CYTH4: variants seen among roughly 807,000 people sequenced by gnomAD.
CYTH4 encodes the protein cytohesin 4.
Under a neutral mutation model 57.5 loss-of-function variants are expected in CYTH4, and 22 were observed. That is an observed-to-expected ratio of 0.38 (90% CI 0.27 to 0.55). The LOEUF (loss-of-function observed/expected upper bound fraction) is 0.55, where lower values mean the gene tolerates loss of function less well. Ranked by LOEUF, CYTH4 falls within the 20% of genes least tolerant of loss-of-function variation. The pLI is 0.74. For synonymous variants in CYTH4, 186 were observed against 206.5 expected (o/e 0.90, Z 0.85); for missense variants, 420 against 535.6 (o/e 0.78, Z 2.13).
At chr22:37,303,179 G>A (rs1003858231) in intron 7 of CYTH4, 75 bp from the exon 8 acceptor site, 3 of 1,582,288 alleles carry the variant, frequency 1.9e-6, no homozygotes, top group Admixed American at 3.9e-5. Flanking sequence ...TGGCAGTTCT[G>A]GGCCCTGGAA....
intron 8 of CYTH4, among the ~76,000 whole-genome samples, chr22:37,308,799 CATGTGTGTGCATGT>C (rs1929519088): frequency 6.6e-6 from 1 of 150,630 alleles, no homozygotes; most frequent in Non-Finnish European, 1.5e-5. Context: ...TGTGAACATG[CATGTGTGTGCATGT>C]ATGTGTGAGC....
chr22:37,292,616 T>C lies in CYTH4; in HGVS notation c.20-5T>C, dbSNP rs1172336863. 6.2e-7 allele frequency: 1 copy of C among 1,613,590 alleles called. No individual in the cohort carries two copies. Among genetic ancestry groups the C allele is most frequent in the South Asian group, 1.1e-5 (1 of 91,074 alleles). ...TGATGGGGAAGGCCGGTTGTCTCTC[T>C]GTAGAGCCCGCGGAGCTGAGCAGCG... On this transcript the variant is annotated splice_region_variant and splice_polypyrimidine_tract_variant and intron_variant, in intron 1 of 12. Transcript: ENST00000248901.
rs1405935724 is a variant in CYTH4, at chr22:37,298,611, G to A, written c.354-615G>A. On this transcript the variant is annotated intron_variant, in intron 5 of 12. Transcript: ENST00000248901. This position sits in a 1 kb window ranked among gnomAD's most constrained non-coding sequence, Gnocchi z 4.1. ...ACAGGCTCAAGAATCTAGACTGGAC[G>A]GGAGGAGAGAGGAAGGATATTGTGG... 6.6e-6 allele frequency among the ~76,000 whole-genome samples: 1 copy of A among 152,118 alleles called. No individual in the cohort carries two copies. The highest frequency in any genetic ancestry group is 1.5e-5 in the Non-Finnish European group (1 of 68,018).
chr22:37,286,697 A>G (rs1484172034), intron 1 of CYTH4, among the ~76,000 whole-genome samples: 1 of 152,074 alleles, frequency 6.6e-6, no homozygotes, highest in Non-Finnish European at 1.5e-5. Context: ...GGCTTTTGGA[A>G]GGCTAGAGCT....
chr22:37,311,378 AC>A lies in CYTH4; in HGVS notation c.886-74del, dbSNP rs1929637130. ...GCACGCTCCTCTTTGAGTTTGGGGA[AC>A]CCCACACGTTCACACCCTGCCTTGG... On this transcript the variant is annotated intron_variant, in intron 10 of 12. Transcript: ENST00000248901. The surrounding 1 kb of genome is among the most constrained non-coding windows in gnomAD (Gnocchi z 4.4). The A allele has an allele frequency of 1.2e-5, 16 of 1,280,730 alleles. No homozygotes were observed. The highest frequency in any genetic ancestry group is 1.8e-5 in the Non-Finnish European group (16 of 881,526). The allele number at this position is 1,280,730 out of a possible 1,614,324, so 79.3% of individuals were successfully genotyped here. A position where few individuals can be genotyped will look rare whatever the true frequency, so the allele number is the denominator to read the frequency against.
Position 37,311,959 on chromosome 22 carries a change from C to T in CYTH4, c.958-61C>T. 3 of 1,583,488 alleles carry T rather than the reference C, an allele frequency of 1.9e-6. No individual in the cohort carries two copies. Among genetic ancestry groups the T allele is most frequent in the South Asian group, 1.2e-5 (1 of 86,874 alleles). ...CACTAGCGTCTGGGCTTCTCTGAGCCTCCTGGAGGGCCCACCCAGCCTCCC... is the reference window on the plus strand; with the variant it reads ...CACTAGCGTCTGGGCTTCTCTGAGCTTCCTGGAGGGCCCACCCAGCCTCCC... On this transcript the variant is annotated intron_variant, in intron 11 of 12. Transcript: ENST00000248901. This position sits in a 1 kb window ranked among gnomAD's most constrained non-coding sequence, Gnocchi z 4.4.
intron 1 of CYTH4, among the ~76,000 whole-genome samples, chr22:37,284,711 A>G (rs1928485971): frequency 6.6e-6 from 1 of 152,052 alleles, no homozygotes; most frequent in African/African-American, 2.4e-5. Flanking sequence ...TATGGGCCTC[A>G]GTTTTCTCAC....
rs1262748106 is a variant in CYTH4 at position 37,296,335 on chromosome 22, C to A, written c.234+270C>A. 4 of 480,976 alleles carry A rather than the reference C, an allele frequency of 8.3e-6. No homozygotes were observed. The East Asian group carries it at 1.5e-4, about 18-fold the overall frequency. The allele number at this position is 480,976 out of a possible 1,614,324, so 29.8% of individuals were successfully genotyped here. A position where few individuals can be genotyped will look rare whatever the true frequency, so the allele number is the denominator to read the frequency against. On this transcript the variant is annotated intron_variant, in intron 4 of 12. Transcript: ENST00000248901. The stretch of plus-strand genomic sequence containing the variant: ...CACTTGGCCTAGTCCCTTCCCCACT[C>A]TGGGCCTCCATTTCCTTCTCCATGA...
At chr22:37,284,244 C>A (rs1928470613) in intron 1 of CYTH4, among the ~76,000 whole-genome samples, 1 of 152,184 alleles carries the variant, frequency 6.6e-6, no homozygotes, top group Admixed American at 6.5e-5. Flanking sequence ...ATTCACTCTA[C>A]AAACGACCTT....
intron 9 of CYTH4, 125 bp from the exon 10 acceptor site, chr22:37,310,863 G>A: frequency 1.1e-6 from 1 of 916,776 alleles, no homozygotes; most frequent in African/African-American, 1.6e-5. Flanking sequence ...GAGGTGTGGT[G>A]GACGAAGTTT....
At position 37,303,322 on chromosome 22, in the gene CYTH4, G is replaced by C. The variant is rs1929258595; in HGVS notation, c.616G>C (p.Asp206His). 1 of 1,614,082 alleles carries C rather than the reference G, an allele frequency of 6.2e-7. No homozygotes were observed. The stretch of plus-strand genomic sequence containing the variant: ...CAGCCTCCACAATCCCAACGTCCGG[G>C]ACAGGCCGCCTTTTGAGCGCTTTGT... Reference protein sequence around the residue: ...NTSLHNPNVRDRPPFERFVSM... With the variant: ...NTSLHNPNVRHRPPFERFVSM... The change falls in exon 8 of 13, where the codon GAC becomes CAC. Residue 206 changes from aspartate (D) to histidine (H), a missense_variant. By Grantham distance (81) the Asp-to-His change is moderately conservative (BLOSUM62 -1). Transcript: ENST00000248901.
intron 7 of CYTH4, chr22:37,302,140 C>T (rs1441716818): frequency 1.2e-5 from 2 of 167,714 alleles, no homozygotes; most frequent in Non-Finnish European, 2.9e-5. Context: ...GACAAACCTT[C>T]CAGAACATTT....
intron 8 of CYTH4, among the ~76,000 whole-genome samples, chr22:37,307,077 C>T (rs1361216125): frequency 1.3e-5 from 2 of 152,198 alleles, no homozygotes; most frequent in African/African-American, 4.8e-5. Flanking sequence ...GGACACAGAG[C>T]CAGCAGGGCC....
intron 1 of CYTH4, 161 bp from the exon 2 acceptor site, chr22:37,292,460 C>A (rs1928779791): frequency 1.6e-6 from 1 of 632,118 alleles, no homozygotes; most frequent in Non-Finnish European, 2.8e-6. Flanking sequence ...GGAGCAGGGG[C>A]TGCTTTAGAC....
Position 37,311,967 on chromosome 22 carries a change from G to A in CYTH4, c.958-53G>A. 1 of 1,591,548 alleles carries A rather than the reference G, an allele frequency of 6.3e-7. No homozygotes were observed. Among genetic ancestry groups the A allele is most frequent in the East Asian group, 2.2e-5 (1 of 44,548 alleles). On this transcript the variant is annotated intron_variant, in intron 11 of 12. Transcript: ENST00000248901. The surrounding 1 kb of genome is among the most constrained non-coding windows in gnomAD (Gnocchi z 4.4). Reference sequence around the variant, plus strand: ...TCTGGGCTTCTCTGAGCCTCCTGGAGGGCCCACCCAGCCTCCCTCTCTTCC... The same window carrying A: ...TCTGGGCTTCTCTGAGCCTCCTGGAAGGCCCACCCAGCCTCCCTCTCTTCC...
rs578141355 is a variant in CYTH4, at chr22:37,314,506, A to G, written c.*995A>G. The G allele has an allele frequency of 5.0e-6, 2 of 398,424 alleles. No individual in the cohort carries two copies. The highest frequency in any genetic ancestry group is 4.4e-5 in the Admixed American group (1 of 22,718). The allele number at this position is 398,424 out of a possible 1,614,324, so 24.7% of individuals were successfully genotyped here. On this transcript the variant is annotated 3_prime_UTR_variant, in exon 13 of 13. Coordinates refer to ENST00000248901, the MANE Select transcript of CYTH4 (RefSeq NM_013385.5). ...GGCAGTGGCTGAGCCAGAAAGTAAC[A>G]CAGAGCTCATGCTTGGAGAGAGAGA...
In CYTH4 at chr22:37,286,147, T is replaced by C. The variant is rs981821003; in HGVS notation, c.19+3559T>C. On this transcript the variant is annotated intron_variant, in intron 1 of 12. Transcript: ENST00000248901. The stretch of plus-strand genomic sequence containing the variant: ...CAGGCATCATTCTGCATCTTGCCTT[T>C]ATTCTGAAACGTGTAACCCCGTCAG... Among the ~76,000 whole-genome samples, 5 of 152,126 alleles carry C rather than the reference T, an allele frequency of 3.3e-5. No individual in the cohort carries two copies. In the South Asian group the frequency reaches 1.0e-3, roughly 32 times the overall value.
At position 37,295,900 on chromosome 22, in the gene CYTH4, A is replaced by G. The variant is rs188007002; in HGVS notation, c.168-99A>G. On this transcript the variant is annotated intron_variant, in intron 3 of 12. Transcript: ENST00000248901. The surrounding 1 kb of genome is among the most constrained non-coding windows in gnomAD (Gnocchi z 4.1). ...CCGGAGGCCACACTTGGAGGGCCCT[A>G]GAGGGGTATGGGCTCCTGCTGAGGC... 25 of 1,275,178 alleles carry G rather than the reference A, an allele frequency of 2.0e-5. No individual in the cohort carries two copies. In the East Asian group the frequency reaches 5.6e-4, roughly 28 times the overall value. 79.0% of individuals were successfully genotyped at this position (1,275,178 alleles called of 1,614,324 possible).
chr22:37,304,299 T>G (rs1207321320), intron 8 of CYTH4: 1 of 456,492 alleles, frequency 2.2e-6, no homozygotes, highest in Non-Finnish European at 4.4e-6. Context: ...GTGGTATATA[T>G]GCACAGTAGT....
Sources: gnomAD v4.1 joint callset for allele counts (sites outside exome capture counted in the v4.1 genomes callset) on GRCh38, gnomAD v4.1.1 for gene constraint, Gnocchi (gnomAD v3.1) non-coding constraint, MANE v1.5 for transcripts, NCBI Gene and HGNC (gene_info 2026-07-23, HGNC 2026-07-21) for gene names.